ARHGAP20: variants seen among roughly 807,000 people sequenced by gnomAD.
ARHGAP20 encodes the protein Rho GTPase activating protein 20.
Under a neutral mutation model 73.7 loss-of-function variants are expected in ARHGAP20, and 34 were observed. That is an observed-to-expected ratio of 0.46 (90% CI 0.35 to 0.61). ARHGAP20 has a LOEUF of 0.61. Ranked by LOEUF, ARHGAP20 falls within the 20% of genes least tolerant of loss-of-function variation. The probability of loss-of-function intolerance (pLI) is 0.00; values close to 1 mark genes in which losing one functional copy is unlikely to be tolerated. For synonymous variants in ARHGAP20, 523 were observed against 518.2 expected (o/e 1.01, Z -0.13); for missense variants, 1,314 against 1,420.9 (o/e 0.92, Z 1.21).
At chr11:110,585,275 T>G (rs926378313) in intron 12 of ARHGAP20, among the ~76,000 whole-genome samples, 1 of 152,012 alleles carries the variant, frequency 6.6e-6, no homozygotes, top group Non-Finnish European at 1.5e-5. Context: ...AGAGTCATAA[T>G]TTTACCTTTT....
chr11:110,691,587 T>C (rs1950243074), intron 1 of ARHGAP20, among the ~76,000 whole-genome samples: 1 of 152,196 alleles, frequency 6.6e-6, no homozygotes, highest in South Asian at 2.1e-4. Context: ...TATTATGTGA[T>C]TCATAAAGGA....
intron 1 of ARHGAP20, among the ~76,000 whole-genome samples, chr11:110,691,438 T>C (rs1312834452): frequency 2.0e-5 from 3 of 152,182 alleles, no homozygotes; most frequent in Non-Finnish European, 2.9e-5. Context: ...TATATCTCTA[T>C]ACCCTTTCAT....
intron 2 of ARHGAP20, among the ~76,000 whole-genome samples, chr11:110,642,078 A>C (rs1949089333): frequency 6.6e-6 from 1 of 152,050 alleles, no homozygotes; most frequent in Non-Finnish European, 1.5e-5. Context: ...GAAATAATTA[A>C]ACCTGATTAA....
intron 6 of ARHGAP20, among the ~76,000 whole-genome samples, chr11:110,612,115 T>C (rs939749016): frequency 6.6e-6 from 1 of 152,092 alleles, no homozygotes; most frequent in Admixed American, 6.5e-5. Flanking sequence ...TACTTAAAAA[T>C]AGACAATTTG....
chr11:110,647,124 GGT>G (rs1373502765), intron 2 of ARHGAP20, among the ~76,000 whole-genome samples: 1 of 151,848 alleles, frequency 6.6e-6, no homozygotes, highest in Non-Finnish European at 1.5e-5. Context: ...ATATTTCATA[GGT>G]GGTACTTAAC....
At chr11:110,642,801 G>A (rs1186609629) in intron 2 of ARHGAP20, among the ~76,000 whole-genome samples, 1 of 151,998 alleles carries the variant, frequency 6.6e-6, no homozygotes, top group African/African-American at 2.4e-5. Context: ...TGGCTTTGTA[G>A]AATGACTTAG....
At chr11:110,687,087 G>GACAC (rs71057024) in intron 2 of ARHGAP20, among the ~76,000 whole-genome samples, 26,165 of 136,560 alleles carry the variant, frequency 0.19, 2,820 homozygotes, top group East Asian at 0.31. Context: ...CATATATATA[G>GACAC]ACACACACAC....
intron 1 of ARHGAP20, among the ~76,000 whole-genome samples, chr11:110,697,425 C>T (rs1950357533): frequency 6.6e-6 from 1 of 151,108 alleles, no homozygotes; most frequent in Non-Finnish European, 1.5e-5. Flanking sequence ...TTTAATGGAG[C>T]TGTTTTTTTC....
intron 2 of ARHGAP20, among the ~76,000 whole-genome samples, chr11:110,654,372 T>C (rs1461377401): frequency 6.6e-6 from 1 of 152,152 alleles, no homozygotes; most frequent in East Asian, 1.9e-4. Flanking sequence ...CTCAAAAACA[T>C]TTTCCTTATG....
chr11:110,676,424 T>G (rs938553647), intron 2 of ARHGAP20, among the ~76,000 whole-genome samples: 1 of 152,132 alleles, frequency 6.6e-6, no homozygotes. Flanking sequence ...GAAGCAAACA[T>G]GTCCTTCTTT....
intron 12 of ARHGAP20, among the ~76,000 whole-genome samples, chr11:110,585,116 T>C (rs1947625565): frequency 6.6e-6 from 1 of 150,782 alleles, no homozygotes; most frequent in African/African-American, 2.4e-5. Flanking sequence ...TATGTGAATA[T>C]ATATGAATAT....
At chr11:110,694,446 T>C (rs1356150020) in intron 1 of ARHGAP20, among the ~76,000 whole-genome samples, 1 of 147,308 alleles carries the variant, frequency 6.8e-6, no homozygotes, top group Non-Finnish European at 1.5e-5. Context: ...AAAAACCTAT[T>C]AAGCCTAACC....
intron 1 of ARHGAP20, among the ~76,000 whole-genome samples, chr11:110,696,719 C>T (rs575697742): frequency 1.1e-4 from 16 of 151,700 alleles, no homozygotes; most frequent in African/African-American, 3.9e-4. Flanking sequence ...CTCTTGCCAC[C>T]TTACCACCCA....
intron 9 of ARHGAP20, among the ~76,000 whole-genome samples, chr11:110,600,727 A>G (rs1378662058): frequency 6.6e-6 from 1 of 151,106 alleles, no homozygotes; most frequent in African/African-American, 2.4e-5. Flanking sequence ...CTGTAACAGT[A>G]ACATGTGAGT....
chr11:110,648,240 A>AT (rs1565457618), intron 2 of ARHGAP20, among the ~76,000 whole-genome samples: 2,575 of 92,668 alleles, frequency 0.028, 108 homozygotes, highest in African/African-American at 0.09. Flanking sequence ...TATATATGTA[A>AT]ATATATATAT....
chr11:110,702,929 G>C (rs949249228), intron 1 of ARHGAP20, among the ~76,000 whole-genome samples: 3 of 152,182 alleles, frequency 2.0e-5, no homozygotes, highest in Admixed American at 1.3e-4. Flanking sequence ...TGGGTAGGAA[G>C]AATCAATATC....
intron 2 of ARHGAP20, among the ~76,000 whole-genome samples, chr11:110,684,948 C>T (rs1450508329): frequency 1.3e-5 from 2 of 152,056 alleles, no homozygotes; most frequent in Non-Finnish European, 2.9e-5. Context: ...TCTTGAAAAA[C>T]TACTACTGGG....
At position 110,579,725 on chromosome 11, in the gene ARHGAP20, G is replaced by A. The variant is rs139127000; in HGVS notation, c.3221C>T (p.Pro1074Leu). The A allele has an allele frequency of 6.2e-7, 1 of 1,614,160 alleles. No individual in the cohort carries two copies. Among genetic ancestry groups the A allele is most frequent in the South Asian group, 1.1e-5 (1 of 91,084 alleles). ...IASPKGPLEPPPHASGVPEAN... is the reference protein window; with the variant it reads ...IASPKGPLEPLPHASGVPEAN... The stretch of plus-strand genomic sequence containing the variant: ...TTCTGGAACACCAGAAGCATGTGGG[G>A]GTGGCTCTAAGGGTCCTTTTGGAGA... The change falls in exon 15 of 15, where the codon CCC becomes CTC. Residue 1074 changes from proline (P) to leucine (L), a missense_variant. Transcript: ENST00000683387.
intron 5 of ARHGAP20, among the ~76,000 whole-genome samples, 195 bp from the exon 6 acceptor site, chr11:110,614,840 T>C (rs1182753524): frequency 6.6e-6 from 1 of 152,156 alleles, no homozygotes; most frequent in African/African-American, 2.4e-5. Context: ...TTTCAGGACA[T>C]TAGGCATGGG....
Sources: gnomAD v4.1 joint callset for allele counts (sites outside exome capture counted in the v4.1 genomes callset) on GRCh38, gnomAD v4.1.1 for gene constraint, MANE v1.5 for transcripts, NCBI Gene and HGNC (gene_info 2026-07-23, HGNC 2026-07-21) for gene names.